SCAND3: variants seen among roughly 807,000 people sequenced by gnomAD.
SCAND3 encodes the protein SCAN domain-containing protein 3.
chr6:28,579,140 C>A, the SCAND3 span: 1 of 797,532 alleles, frequency 1.3e-6, no homozygotes, highest in Non-Finnish European at 2.0e-6. This position sits in a 1 kb window ranked among gnomAD's most constrained non-coding sequence, Gnocchi z 4.5. Context: ...TTACACTATA[C>A]TGATTGGCTT....
At chr6:28,585,262 A>G in the SCAND3 span, 2 of 152,240 alleles carry the variant, frequency 1.3e-5, no homozygotes. Context: ...TTTTATCACA[A>G]GCACACTTCT....
the SCAND3 span, chr6:28,579,184 G>A: frequency 4.9e-6 from 6 of 1,215,152 alleles, no homozygotes; most frequent in African/African-American, 7.6e-5. The surrounding 1 kb of genome is among the most constrained non-coding windows in gnomAD (Gnocchi z 4.5). Flanking sequence ...AGTAGAAGCT[G>A]AAATGGAATG....
the SCAND3 span, among the ~76,000 whole-genome samples, chr6:28,583,202 T>G: frequency 6.6e-6 from 1 of 151,714 alleles, no homozygotes; most frequent in Non-Finnish European, 1.5e-5. Flanking sequence ...ACCATCCTGG[T>G]TAACACGGTG....
At chr6:28,579,364 T>C in the SCAND3 span, 8 of 1,614,056 alleles carry the variant, frequency 5.0e-6, no homozygotes, top group Non-Finnish European at 6.8e-6. This position sits in a 1 kb window ranked among gnomAD's most constrained non-coding sequence, Gnocchi z 4.5. Context: ...CTTTGCAGAA[T>C]CCAGAGGGAT....
At chr6:28,592,085 G>A in the SCAND3 span, among the ~76,000 whole-genome samples, 2 of 152,226 alleles carry the variant, frequency 1.3e-5, no homozygotes, top group South Asian at 4.1e-4. This position sits in a 1 kb window ranked among gnomAD's most constrained non-coding sequence, Gnocchi z 4.1. Context: ...CAAAAGATTA[G>A]TTTTATAGAG....
chr6:28,573,220 A>G, the SCAND3 span: 7 of 1,613,974 alleles, frequency 4.3e-6, no homozygotes, highest in Middle Eastern at 3.3e-4. Context: ...TATTTGTTCT[A>G]TGAGTTGATC....
the SCAND3 span, among the ~76,000 whole-genome samples, chr6:28,607,223 C>T: frequency 5.3e-5 from 8 of 152,188 alleles, no homozygotes; most frequent in Non-Finnish European, 2.9e-5. Context: ...TCCCCGGCAC[C>T]TCCACCAGTT....
chr6:28,595,277 G>GA, the SCAND3 span, among the ~76,000 whole-genome samples: 12 of 127,174 alleles, frequency 9.4e-5, no homozygotes, highest in Admixed American at 2.8e-4. Context: ...AGTCTGGGAG[G>GA]TGGAGGATCA....
the SCAND3 span, chr6:28,575,959 T>C: frequency 6.2e-7 from 1 of 1,613,542 alleles, no homozygotes; most frequent in Non-Finnish European, 8.5e-7. The surrounding 1 kb of genome is among the most constrained non-coding windows in gnomAD (Gnocchi z 4.2). Flanking sequence ...CAACTGACAG[T>C]ACTTTGCTTT....
the SCAND3 span, among the ~76,000 whole-genome samples, chr6:28,608,256 G>C: frequency 1.3e-5 from 2 of 152,160 alleles, no homozygotes; most frequent in Non-Finnish European, 2.9e-5. Flanking sequence ...GTTTCGCCCT[G>C]AACATCTGCT....
the SCAND3 span, among the ~76,000 whole-genome samples, chr6:28,601,200 C>G: frequency 1.3e-5 from 2 of 152,096 alleles, no homozygotes; most frequent in Non-Finnish European, 2.9e-5. Context: ...CCACGGCGCC[C>G]GGCCACATGT....
At chr6:28,602,089 A>C in the SCAND3 span, among the ~76,000 whole-genome samples, 2 of 152,204 alleles carry the variant, frequency 1.3e-5, no homozygotes, top group Non-Finnish European at 2.9e-5. Context: ...AGACTCACTG[A>C]AAGTTTGATC....
the SCAND3 span, among the ~76,000 whole-genome samples, chr6:28,580,391 T>A: frequency 1.3e-5 from 2 of 151,914 alleles, no homozygotes; most frequent in Non-Finnish European, 2.9e-5. Context: ...GAGGCAGAGG[T>A]TGCAGTGAGT....
At chr6:28,612,292 C>T in the SCAND3 span, among the ~76,000 whole-genome samples, 1 of 152,090 alleles carries the variant, frequency 6.6e-6, no homozygotes, top group African/African-American at 2.4e-5. Flanking sequence ...CCTGCCTCAG[C>T]CTCCCAAAGT....
At chr6:28,613,609 A>G in the SCAND3 span, among the ~76,000 whole-genome samples, 1 of 152,194 alleles carries the variant, frequency 6.6e-6, no homozygotes, top group Admixed American at 6.5e-5. Context: ...AGATGGTTGA[A>G]CAAATTAGTA....
chr6:28,611,437 C>T, the SCAND3 span, among the ~76,000 whole-genome samples: 3 of 152,224 alleles, frequency 2.0e-5, no homozygotes, highest in African/African-American at 7.2e-5. Context: ...TCCTGGAAGA[C>T]AGGCCTTCCT....
At chr6:28,573,904 A>G in the SCAND3 span, 1 of 1,385,684 alleles carries the variant, frequency 7.2e-7, no homozygotes, top group Admixed American at 3.5e-5. Flanking sequence ...CACAAGTTAA[A>G]AACTAGATTT....
chr6:28,615,324 C>G, the SCAND3 span, among the ~76,000 whole-genome samples: 2 of 152,222 alleles, frequency 1.3e-5, no homozygotes, highest in Non-Finnish European at 2.9e-5. Flanking sequence ...TCTAGAAAGA[C>G]TAGACATTTC....
chr6:28,584,368 T>A, the SCAND3 span, among the ~76,000 whole-genome samples: 64 of 101,564 alleles, frequency 6.3e-4, no homozygotes, highest in Non-Finnish European at 1.1e-3. Flanking sequence ...CAATGTTTTA[T>A]TTTTTTTTAA....
Sources: allele counts gnomAD v4.1 joint callset (sites outside exome capture counted in the v4.1 genomes callset), GRCh38; gene constraint gnomAD v4.1.1; non-coding constraint Gnocchi (gnomAD v3.1); transcripts MANE v1.5; gene names NCBI Gene and HGNC (gene_info 2026-07-23, HGNC 2026-07-21).